NFATC1: variants seen among roughly 807,000 people sequenced by gnomAD.
NFATC1 encodes the protein nuclear factor of activated T cells 1.
In NFATC1, 22 loss-of-function variants were observed where a neutral mutation model predicts 76.0. The observed-to-expected ratio is 0.29, with a 90% CI of 0.21 to 0.41. The LOEUF (loss-of-function observed/expected upper bound fraction) is 0.41. Ranked by LOEUF, NFATC1 falls within the 10% of genes least tolerant of loss-of-function variation. NFATC1 has a pLI of 1.00. For missense variants in NFATC1, 1,357 were observed against 1,337.7 expected (o/e 1.01, Z -0.23); for synonymous variants, 704 against 613.1 (o/e 1.15, Z -2.19).
intron 1 of NFATC1, among the ~76,000 whole-genome samples, chr18:79,401,044 T>C (rs530580299): frequency 1.8e-4 from 25 of 141,310 alleles, no homozygotes; most frequent in Non-Finnish European, 3.7e-4. Context: ...CCCCAGCCTT[T>C]TCTTTCATTT....
chr18:79,399,306 C>T (rs1290936448), intron 1 of NFATC1, among the ~76,000 whole-genome samples: 1 of 152,206 alleles, frequency 6.6e-6, no homozygotes, highest in African/African-American at 2.4e-5. Flanking sequence ...CGGGGACGAC[C>T]CTGGGACTGG....
chr18:79,399,622 C>A (rs1010805371), intron 1 of NFATC1, among the ~76,000 whole-genome samples: 1 of 152,362 alleles, frequency 6.6e-6, no homozygotes, highest in East Asian at 1.9e-4. Context: ...CCGAACTCGC[C>A]TTCCCGCCCC....
rs1293938432 is a variant in NFATC1, at chr18:79,505,935, C to A, written c.2782+18998C>A. ...TTTGTGGGAAGAGGTGGTGGACGAG[C>A]CCCTTGGGTGATGGAAGTGTTCTGA... On this transcript the variant is annotated intron_variant, in intron 9 of 9. Coordinates refer to ENST00000427363, the MANE Select transcript of NFATC1 (RefSeq NM_001278669.2). Among the ~76,000 whole-genome samples, 8 of 151,186 alleles carry A rather than the reference C, an allele frequency of 5.3e-5. No homozygotes were observed. The East Asian group carries it at 5.9e-4, about 11-fold the overall frequency.
intron 3 of NFATC1, among the ~76,000 whole-genome samples, chr18:79,439,733 C>T (rs994751083): frequency 1.3e-4 from 20 of 152,160 alleles, no homozygotes; most frequent in African/African-American, 4.3e-4. Flanking sequence ...CCGAGCCTTC[C>T]CCGTGTCAGC....
At chr18:79,439,406 A>T (rs1331998786) in intron 3 of NFATC1, among the ~76,000 whole-genome samples, 1 of 150,326 alleles carries the variant, frequency 6.7e-6, no homozygotes, top group Non-Finnish European at 1.5e-5. Flanking sequence ...TGGAAACTAA[A>T]GTGCAGGTCT....
chr18:79,517,966 C>T (rs1365605861), intron 9 of NFATC1, among the ~76,000 whole-genome samples: 10 of 152,220 alleles, frequency 6.6e-5, no homozygotes, highest in African/African-American at 1.2e-4. Context: ...TTTGGGTTAG[C>T]GTGGCTGAAC....
intron 8 of NFATC1, among the ~76,000 whole-genome samples, chr18:79,484,893 G>T (rs953550212): frequency 6.6e-6 from 1 of 152,236 alleles, no homozygotes; most frequent in African/African-American, 2.4e-5. Context: ...CGTGGCACAG[G>T]TGCTCCGGCG....
chr18:79,525,127 T>G (rs1186726510), intron 9 of NFATC1, among the ~76,000 whole-genome samples: 9 of 21,316 alleles, frequency 4.2e-4, no homozygotes, highest in South Asian at 3.9e-3. Context: ...TACCCCTCAG[T>G]CCTCCCCACG....
At chr18:79,422,387 T>TG (rs1263652174) in intron 2 of NFATC1, 1 of 148,868 alleles carries the variant, frequency 6.7e-6, no homozygotes, top group African/African-American at 2.5e-5. Context: ...AGAAGGTGTT[T>TG]GGGGTCCGAG....
intron 9 of NFATC1, among the ~76,000 whole-genome samples, chr18:79,508,959 T>C (rs1600960576): frequency 6.7e-6 from 1 of 150,286 alleles, no homozygotes; most frequent in Admixed American, 6.6e-5. Context: ...TGATGTCTGG[T>C]TCTTTTCAGC....
At chr18:79,438,467 A>G (rs1386155526) in intron 3 of NFATC1, among the ~76,000 whole-genome samples, 1 of 152,242 alleles carries the variant, frequency 6.6e-6, no homozygotes, top group East Asian at 1.9e-4. Flanking sequence ...CCCAGGGGTC[A>G]AATAACTCAG....
At chr18:79,526,337 C>T (rs1013318714) in intron 9 of NFATC1, among the ~76,000 whole-genome samples, 13 of 152,268 alleles carry the variant, frequency 8.5e-5, no homozygotes, top group South Asian at 2.1e-4. Flanking sequence ...CCTGGCTCTG[C>T]GTCCTGTGGC....
At chr18:79,484,486 C>T (rs1272993203) in intron 8 of NFATC1, among the ~76,000 whole-genome samples, 2 of 152,112 alleles carry the variant, frequency 1.3e-5, no homozygotes, top group Non-Finnish European at 2.9e-5. Flanking sequence ...CTTTAAACCT[C>T]GATGTTTCTA....
chr18:79,444,285 C>T (rs556347851), intron 3 of NFATC1, among the ~76,000 whole-genome samples: 3 of 152,250 alleles, frequency 2.0e-5, no homozygotes, highest in South Asian at 4.1e-4. Context: ...CGTGTGTTCA[C>T]AGAACACCAG....
At position 79,518,817 on chromosome 18, in the gene NFATC1, A is replaced by T. The variant is rs117832381; in HGVS notation, c.2783-8711A>T. On this transcript the variant is annotated intron_variant, in intron 9 of 9. Transcript: ENST00000427363. ...GGACCCCTGGCACCCGGTGTCCCTC[A>T]GTGGACGGCCGTTGATTCTGTAACA... is the stretch of plus-strand genomic sequence containing the variant. Among the ~76,000 whole-genome samples the T allele has an allele frequency of 3.9e-5, 6 of 152,346 alleles. No individual in the cohort carries two copies. The East Asian group carries it at 1.2e-3, about 29-fold the overall frequency.
chr18:79,516,243 G>T (rs1301497660), intron 9 of NFATC1, among the ~76,000 whole-genome samples: 1 of 152,166 alleles, frequency 6.6e-6, no homozygotes, highest in Admixed American at 6.5e-5. Flanking sequence ...ACTGTGACTT[G>T]TCAGGCCGTC....
chr18:79,449,111 T>A, intron 4 of NFATC1, 127 bp downstream of exon 4: 1 of 803,290 alleles, frequency 1.2e-6, no homozygotes, highest in Non-Finnish European at 1.9e-6. Context: ...ACTTTTGGTT[T>A]AACAGCCAAT....
intron 7 of NFATC1, 133 bp from the exon 8 acceptor site, chr18:79,467,317 T>G: frequency 1.2e-6 from 1 of 812,526 alleles, no homozygotes; most frequent in Non-Finnish European, 1.8e-6. Context: ...GGGGTTGCCG[T>G]GTGGCCGCCG....
intron 1 of NFATC1, among the ~76,000 whole-genome samples, chr18:79,405,962 G>A (rs951506099): frequency 1.3e-5 from 2 of 151,898 alleles, no homozygotes; most frequent in African/African-American, 4.8e-5. Flanking sequence ...AACGTCAAGG[G>A]CTACGGCCCC....
Sources: gnomAD v4.1 joint callset for allele counts (sites outside exome capture counted in the v4.1 genomes callset) on GRCh38, gnomAD v4.1.1 for gene constraint, MANE v1.5 for transcripts, NCBI Gene and HGNC (gene_info 2026-07-23, HGNC 2026-07-21) for gene names.